H2AZ2: variants seen among roughly 807,000 people sequenced by gnomAD.
The protein encoded by H2AZ2 is histone H2A.V.
A neutral mutation model predicts 15.5 loss-of-function variants in H2AZ2; 5 were observed. That is an observed-to-expected ratio of 0.32 (90% CI 0.17 to 0.68). The LOEUF is 0.68. Ranked by LOEUF, H2AZ2 falls within the 30% of genes least tolerant of loss-of-function variation. The pLI, the probability that H2AZ2 is intolerant of heterozygous loss-of-function variation, is 0.72. For synonymous variants in H2AZ2, 44 were observed against 57.4 expected, an observed-to-expected ratio of 0.77 and a Z score of 1.05; for missense variants, 42 against 162.5, an observed-to-expected ratio of 0.26 and a Z score of 4.03.
rs865911052 is a variant in H2AZ2 at position 44,843,436 on chromosome 7, A to G, written c.4-82T>C. The G allele has an allele frequency of 1.5e-4, 140 of 953,068 alleles. No homozygotes were observed. In the Middle Eastern group the frequency reaches 5.3e-3, roughly 36 times the overall value. 59.0% of individuals were successfully genotyped at this position (953,068 alleles called of 1,614,324 possible). ...ATATTCTGGAAACAGAATTTTTTCT[A>G]GTTTTACTTTAGGTAGTTAACAATA... is the stretch of plus-strand genomic sequence containing the variant. On this transcript the variant is annotated intron_variant, in intron 1 of 4. Transcript: ENST00000308153.
At chr7:44,827,308 T>C (rs1354790368), downstream of H2AZ2, 1 of 152,250 alleles carries the variant, frequency 6.6e-6, no homozygotes, top group Non-Finnish European at 1.5e-5. Flanking sequence ...TTCAACATGT[T>C]ACATGGTATT....
intron 3 of H2AZ2, among the ~76,000 whole-genome samples, chr7:44,839,120 CA>C (rs1793204728): frequency 6.6e-6 from 1 of 152,224 alleles, no homozygotes. Flanking sequence ...AGAACCAGGA[CA>C]GACTGAGTCT....
At chr7:44,843,408 A>C (rs1793325338) in intron 1 of H2AZ2, 54 bp from the exon 2 acceptor site, 3 of 1,214,732 alleles carry the variant, frequency 2.5e-6, no homozygotes, top group African/African-American at 3.0e-5. Flanking sequence ...TACTACTTCA[A>C]AAATATTCTG....
At chr7:44,835,797 G>T in intron 3 of H2AZ2, 139 bp from the exon 4 acceptor site, 1 of 690,330 alleles carries the variant, frequency 1.4e-6, no homozygotes, top group Non-Finnish European at 2.2e-6. Flanking sequence ...TTTCTATAAT[G>T]CTTTTATAAA....
chr7:44,843,916 T>TG (rs1317803672), intron 1 of H2AZ2, among the ~76,000 whole-genome samples: 4 of 152,190 alleles, frequency 2.6e-5, no homozygotes, highest in African/African-American at 9.7e-5. Flanking sequence ...TAAAGAATCT[T>TG]GCAAGTCAAT....
downstream of H2AZ2, chr7:44,829,875 C>T (rs969841289): frequency 2.1e-5 from 7 of 339,332 alleles, no homozygotes; most frequent in Non-Finnish European, 1.1e-5. Flanking sequence ...CACAGTTTAT[C>T]CAAAAGGTCA....
intron 2 of H2AZ2, among the ~76,000 whole-genome samples, chr7:44,842,869 G>T (rs1008353775): frequency 6.6e-6 from 1 of 151,986 alleles, no homozygotes; most frequent in Admixed American, 6.6e-5. Flanking sequence ...AGCCAGGCGC[G>T]GTGGCTCATG....
rs555409408 is a variant in H2AZ2, at chr7:44,833,325, C to T, written c.*1176G>A. On this transcript the variant is annotated 3_prime_UTR_variant, in exon 5 of 5. Transcript: ENST00000308153. ...TTGGCTCACTGCAAGCTCCGCCTCCCGGGTTCACGTCATTCTCATGCCTCA... is the reference window on the plus strand; with the variant it reads ...TTGGCTCACTGCAAGCTCCGCCTCCTGGGTTCACGTCATTCTCATGCCTCA... 6.9e-4 allele frequency among the ~76,000 whole-genome samples: 105 copies of T among 152,226 alleles called. No homozygotes were observed. Among genetic ancestry groups the T allele is most frequent in the African/African-American group, 2.4e-3 (101 of 41,546 alleles).
At chr7:44,830,769 G>A (rs561932878), downstream of H2AZ2, among the ~76,000 whole-genome samples, 6 of 152,132 alleles carry the variant, frequency 3.9e-5, no homozygotes, top group African/African-American at 9.6e-5. Context: ...AGGCTGAGGC[G>A]GGTGGATCAC....
At position 44,833,651 on chromosome 7, in the gene H2AZ2, A is replaced by C. The variant is rs1793047389; in HGVS notation, c.*850T>G. The C allele has an allele frequency of 2.0e-6, 2 of 983,260 alleles. No individual in the cohort carries two copies. The highest frequency in any genetic ancestry group is 2.4e-6 in the Non-Finnish European group (2 of 827,908). 60.9% of individuals were successfully genotyped at this position (983,260 alleles called of 1,614,324 possible). On this transcript the variant is annotated 3_prime_UTR_variant, in exon 5 of 5. Transcript: ENST00000308153. ...CAGGCGTAAACCACAATGCCAGGCC[A>C]AAAATTGGGATTTTAAACCAAAAGG...
intron 1 of H2AZ2, among the ~76,000 whole-genome samples, chr7:44,845,563 G>A (rs1793377544): frequency 6.6e-6 from 1 of 152,002 alleles, no homozygotes; most frequent in African/African-American, 2.4e-5. Context: ...TGACTGGATT[G>A]GAAAAAATAA....
chr7:44,843,138 A>AG, intron 2 of H2AZ2, 139 bp downstream of exon 2: 1 of 37,488 alleles, frequency 2.7e-5, no homozygotes, highest in African/African-American at 9.5e-5. Flanking sequence ...ACTCTGTCTC[A>AG]AAAAAAAAAA....
chr7:44,832,027 A>G lies in H2AZ2; in HGVS notation c.*2474T>C, dbSNP rs1318972616. On this transcript the variant is annotated 3_prime_UTR_variant, in exon 5 of 5. Coordinates refer to ENST00000308153, the MANE Select transcript of H2AZ2 (RefSeq NM_012412.5). Reference sequence around the variant, plus strand: ...AACATATAGGGGACAGAAAAGGTGTACATGATCCCATTAGGATACATTCAG... The same window carrying G: ...AACATATAGGGGACAGAAAAGGTGTGCATGATCCCATTAGGATACATTCAG... Among the ~76,000 whole-genome samples the G allele has an allele frequency of 6.6e-6, 1 of 152,232 alleles. No homozygotes were observed. Among genetic ancestry groups the G allele is most frequent in the Non-Finnish European group, 1.5e-5 (1 of 68,036 alleles).
chr7:44,827,538 T>C (rs548093285), downstream of H2AZ2: 1 of 152,340 alleles, frequency 6.6e-6, no homozygotes, highest in Admixed American at 6.5e-5. Context: ...CCAGCCTCAT[T>C]TCCAGTGTTG....
chr7:44,827,364 G>A (rs1371646076), downstream of H2AZ2: 1 of 152,190 alleles, frequency 6.6e-6, no homozygotes, highest in Non-Finnish European at 1.5e-5. Context: ...AGCTCCTAAA[G>A]GTCCCAAAGA....
Position 44,839,504 on chromosome 7 carries a change from G to A in H2AZ2, c.195+1395C>T, listed in dbSNP as rs183645231. On this transcript the variant is annotated intron_variant, in intron 3 of 4. Coordinates refer to ENST00000308153, the MANE Select transcript of H2AZ2 (RefSeq NM_012412.5). ...ATCCTGGCTACCACGGTGAAACCCC[G>A]TCTCTACTAAAAATACAAAAAAAAA... 6.9e-3 allele frequency among the ~76,000 whole-genome samples: 1,040 copies of A among 151,382 alleles called. 8 individuals carry two copies. The highest frequency in any genetic ancestry group is 0.017 in the Middle Eastern group (5 of 294).
chr7:44,835,694 G>C, intron 3 of H2AZ2, 36 bp from the exon 4 acceptor site: 1 of 1,526,312 alleles, frequency 6.6e-7, no homozygotes. Context: ...TCAAATGAAG[G>C]ACCTAGGATC....
chr7:44,844,654 G>A (rs371540314), intron 1 of H2AZ2, among the ~76,000 whole-genome samples: 12 of 152,118 alleles, frequency 7.9e-5, no homozygotes, highest in African/African-American at 2.7e-4. Flanking sequence ...GCGCCTGGCC[G>A]AGTTATTGTT....
At chr7:44,839,283 T>C (rs907170432) in intron 3 of H2AZ2, among the ~76,000 whole-genome samples, 2 of 152,142 alleles carry the variant, frequency 1.3e-5, no homozygotes, top group African/African-American at 4.8e-5. Flanking sequence ...CACTGGGGTA[T>C]GGTGGTTTAT....
Sources: allele counts gnomAD v4.1 joint callset (sites outside exome capture counted in the v4.1 genomes callset), GRCh38; gene constraint gnomAD v4.1.1; transcripts MANE v1.5; gene names NCBI Gene and HGNC (gene_info 2026-07-23, HGNC 2026-07-21).